NT5E: variants seen among roughly 807,000 people sequenced by gnomAD.
The protein encoded by NT5E is 5'-nucleotidase ecto.
A neutral mutation model predicts 55.1 loss-of-function variants in NT5E; 53 were observed. The observed-to-expected ratio is 0.96, with a 90% CI of 0.77 to 1.21. The LOEUF (loss-of-function observed/expected upper bound fraction) is 1.21. NT5E is among the 50% of genes most tolerant of loss of function. The probability of loss-of-function intolerance (pLI) is 0.00; values close to 1 mark genes in which losing one functional copy is unlikely to be tolerated. For missense variants in NT5E, 683 were observed against 724.3 expected, an observed-to-expected ratio of 0.94 and a Z score of 0.65; for synonymous variants, 270 against 278.4, an observed-to-expected ratio of 0.97 and a Z score of 0.30.
intron 1 of NT5E, among the ~76,000 whole-genome samples, chr6:85,451,598 AG>A (rs1207707780): frequency 1.3e-5 from 2 of 152,218 alleles, no homozygotes; most frequent in Non-Finnish European, 2.9e-5. Context: ...ACTTGGGAGA[AG>A]AAAAAAGAGC....
chr6:85,475,279 C>G (rs1287346688), intron 3 of NT5E, among the ~76,000 whole-genome samples: 1 of 152,140 alleles, frequency 6.6e-6, no homozygotes, highest in Non-Finnish European at 1.5e-5. Flanking sequence ...ATGCTGGTTA[C>G]CACCCATTAT....
chr6:85,456,963 G>A (rs1769003339), intron 1 of NT5E, among the ~76,000 whole-genome samples: 2 of 152,194 alleles, frequency 1.3e-5, no homozygotes, highest in South Asian at 2.1e-4. Flanking sequence ...AGAGATAGTA[G>A]TGCACATAAT....
chr6:85,471,939 A>T (rs2127721376), intron 3 of NT5E, among the ~76,000 whole-genome samples: 1 of 152,310 alleles, frequency 6.6e-6, no homozygotes, highest in Non-Finnish European at 1.5e-5. Flanking sequence ...TGGAAGCCAC[A>T]TGACCCTGGG....
chr6:85,452,232 A>G (rs931211753), intron 1 of NT5E, among the ~76,000 whole-genome samples: 6 of 152,246 alleles, frequency 3.9e-5, no homozygotes, highest in African/African-American at 1.4e-4. Context: ...TATTTTGCAT[A>G]TAAACCACGA....
intron 1 of NT5E, among the ~76,000 whole-genome samples, chr6:85,457,481 T>A (rs1384090753): frequency 6.6e-6 from 1 of 152,152 alleles, no homozygotes; most frequent in Non-Finnish European, 1.5e-5. Context: ...TCTGGACAAG[T>A]CTAAGTTTGC....
intron 1 of NT5E, among the ~76,000 whole-genome samples, chr6:85,462,234 A>G (rs1474919278): frequency 6.6e-6 from 1 of 152,066 alleles, no homozygotes; most frequent in African/African-American, 2.4e-5. Flanking sequence ...CATTCACTGC[A>G]GGCTGCCAGA....
intron 3 of NT5E, among the ~76,000 whole-genome samples, chr6:85,483,985 G>C (rs576434083): frequency 6.6e-6 from 1 of 152,120 alleles, no homozygotes; most frequent in African/African-American, 2.4e-5. Flanking sequence ...CTGTGTGACC[G>C]TGGGTACTCT....
At chr6:85,454,317 C>T (rs1407692073) in intron 1 of NT5E, among the ~76,000 whole-genome samples, 2 of 152,254 alleles carry the variant, frequency 1.3e-5, no homozygotes, top group African/African-American at 4.8e-5. Context: ...CATCCCCAAA[C>T]AGGACATGTA....
chr6:85,458,413 T>C (rs1269095074), intron 1 of NT5E, among the ~76,000 whole-genome samples: 1 of 152,220 alleles, frequency 6.6e-6, no homozygotes, highest in African/African-American at 2.4e-5. Context: ...AGGTGCTGGA[T>C]GACCAGCTTC....
rs545299609 is a variant in NT5E at position 85,466,588 on chromosome 6, G to A, written c.340-472G>A. Among the ~76,000 whole-genome samples, 12 of 152,260 alleles carry A rather than the reference G, an allele frequency of 7.9e-5. No homozygotes were observed. In the South Asian group the frequency reaches 2.5e-3, roughly 32 times the overall value. ...GGCAACCTAGGTGAATGATGACCTA[G>A]GAGGTGAAATGAGGAAGGAGGCCTT... On this transcript the variant is annotated intron_variant, in intron 1 of 8. Coordinates refer to ENST00000257770, the MANE Select transcript of NT5E (RefSeq NM_002526.4).
intron 1 of NT5E, among the ~76,000 whole-genome samples, chr6:85,455,195 G>A (rs1768964270): frequency 6.6e-6 from 1 of 152,214 alleles, no homozygotes; most frequent in East Asian, 1.9e-4. Flanking sequence ...TAAAACCCTA[G>A]AAATTTCCTA....
rs1168264233 is a variant in NT5E, at chr6:85,469,327, T to C, written c.563-1910T>C. 5.9e-5 allele frequency among the ~76,000 whole-genome samples: 9 copies of C among 151,990 alleles called. No homozygotes were observed. The East Asian group carries it at 9.6e-4, about 16-fold the overall frequency. ...TGGCAGCCATACCTTAAGCAAAAGA[T>C]GGTAGCATACTCTCGACATTTAGTC... is the stretch of plus-strand genomic sequence containing the variant. On this transcript the variant is annotated intron_variant, in intron 2 of 8. Transcript: ENST00000257770.
rs748311240 is a variant in NT5E at position 85,485,225 on chromosome 6, T to C, written c.752-10T>C. On this transcript the variant is annotated splice_polypyrimidine_tract_variant and intron_variant, in intron 3 of 8. Transcript: ENST00000257770. ...GGCTGACTTGATCAGCTGTGGCTCT[T>C]TTATTTCAGGCAATCCACCTTCCAA... The C allele has an allele frequency of 6.8e-6, 11 of 1,613,884 alleles. No homozygotes were observed. The East Asian group carries it at 2.0e-4, about 29-fold the overall frequency.
chr6:85,464,413 C>A (rs1398976385), intron 1 of NT5E, among the ~76,000 whole-genome samples: 1 of 152,106 alleles, frequency 6.6e-6, no homozygotes, highest in South Asian at 2.1e-4. Flanking sequence ...CACTGCCATT[C>A]CAGAGGAAAC....
intron 2 of NT5E, among the ~76,000 whole-genome samples, chr6:85,469,071 G>A (rs1426505899): frequency 6.6e-6 from 1 of 152,208 alleles, no homozygotes; most frequent in African/African-American, 2.4e-5. Flanking sequence ...AGTTCTCCCA[G>A]TCCTAGTGGC....
intron 5 of NT5E, among the ~76,000 whole-genome samples, chr6:85,488,285 A>C (rs1005733390): frequency 6.6e-6 from 1 of 152,178 alleles, no homozygotes; most frequent in Admixed American, 6.5e-5. Context: ...CACCCAGGGA[A>C]GTCATTTCTG....
intron 6 of NT5E, 32 bp downstream of exon 6, chr6:85,489,631 C>A: frequency 6.9e-7 from 1 of 1,453,218 alleles, no homozygotes; most frequent in South Asian, 1.2e-5. Context: ...CTCAGTGTGT[C>A]ATGTTCTCTC....
chr6:85,489,230 G>A (rs957438944), intron 5 of NT5E, among the ~76,000 whole-genome samples: 7 of 152,174 alleles, frequency 4.6e-5, no homozygotes, highest in African/African-American at 1.4e-4. Flanking sequence ...GGCTACAACC[G>A]AGAGACCATT....
Position 85,493,871 on chromosome 6 carries a change from A to G in NT5E, c.1592A>G (p.Tyr531Cys), listed in dbSNP as rs1468945399. Residue 531 changes from tyrosine to cysteine, a missense_variant, in exon 9 of 9, where the codon TAT becomes TGT. By Grantham distance (194) the Tyr-to-Cys change is radical (BLOSUM62 -2). Transcript: ENST00000257770. Reference protein sequence around the residue: ...GDQDINVVSTYISKMKVIYPA... With the variant: ...GDQDINVVSTCISKMKVIYPA... The stretch of plus-strand genomic sequence containing the variant: ...CAAGATATCAACGTGGTTTCTACAT[A>G]TATCTCCAAAATGAAAGTAATTTAT... 13 of 1,613,840 alleles carry G rather than the reference A, an allele frequency of 8.1e-6. No homozygotes were observed. In the South Asian group the frequency reaches 1.1e-4, roughly 14 times the overall value.
Sources: allele counts gnomAD v4.1 joint callset (sites outside exome capture counted in the v4.1 genomes callset), GRCh38; gene constraint gnomAD v4.1.1; transcripts MANE v1.5; gene names NCBI Gene and HGNC (gene_info 2026-07-23, HGNC 2026-07-21).